PLEKHG4B: variants seen among roughly 807,000 people sequenced by gnomAD.
The protein encoded by PLEKHG4B is pleckstrin homology domain-containing family G member 4B.
Under a neutral mutation model 121.3 loss-of-function variants are expected in PLEKHG4B, and 111 were observed. The ratio of observed to expected loss-of-function variants is 0.92; its 90% confidence interval spans 0.78 to 1.07. The LOEUF (loss-of-function observed/expected upper bound fraction) is 1.07. Ranked by LOEUF, PLEKHG4B falls within the 50% of genes least tolerant of loss-of-function variation. The pLI is 0.00. For missense variants in PLEKHG4B, 1,831 were observed against 1,757.8 expected, an observed-to-expected ratio of 1.04 and a Z score of -0.74; for synonymous variants, 738 against 725.0, an observed-to-expected ratio of 1.02 and a Z score of -0.29.
rs144872136 is a variant in PLEKHG4B at position 155,700 on chromosome 5, C to T, written c.2208+257C>T. 2.8e-3 allele frequency among the ~76,000 whole-genome samples: 422 copies of T among 152,310 alleles called. 4 individuals carry two copies. The highest frequency in any genetic ancestry group is 9.5e-3 in the African/African-American group (396 of 41,568). ...ATATGCAACAGGTGTGAGCGGCAAC[C>T]GCTGCTCGGAACGAGCCATTCCAAC... On this transcript the variant is annotated intron_variant, in intron 9 of 19. Coordinates refer to ENST00000637938, the MANE Select transcript of PLEKHG4B (RefSeq NM_052909.5).
At chr5:151,408 TG>T (rs1243035812) in intron 6 of PLEKHG4B, 104 bp from the exon 7 acceptor site, 4 of 659,026 alleles carry the variant, frequency 6.1e-6, no homozygotes, top group Non-Finnish European at 1.0e-5. Context: ...GTAGGCACTC[TG>T]GGAAACTATG....
chr5:182,320 C>A lies in PLEKHG4B; in HGVS notation c.4881C>A (p.Ala1627=). Residue 1627 remains alanine (A), a synonymous_variant, in exon 20 of 20, where the codon GCC becomes GCA. Transcript: ENST00000637938. ...TGCTGCTGAGCCGCACACGCCAGGCCTGATGACTGTCAGGGTGGCAGTGCC... is the reference window on the plus strand; with the variant it reads ...TGCTGCTGAGCCGCACACGCCAGGCATGATGACTGTCAGGGTGGCAGTGCC... ...PAVLLSRTRQ[A] is the part of the protein sequence containing the mutation. 1 of 1,597,202 alleles carries A rather than the reference C, an allele frequency of 6.3e-7. No individual in the cohort carries two copies.
In PLEKHG4B at chr5:162,717, C is replaced by T. The variant is rs377460931; in HGVS notation, c.2650-5C>T. The T allele has an allele frequency of 4.7e-4, 674 of 1,447,734 alleles. 5 individuals carry two copies. The Admixed American group carries it at 7.8e-3, about 17-fold the overall frequency. The allele number at this position is 1,447,734 out of a possible 1,614,324, so 89.7% of individuals were successfully genotyped here. On this transcript the variant is annotated splice_region_variant and splice_polypyrimidine_tract_variant and intron_variant, in intron 12 of 19. Transcript: ENST00000637938. ...GCACTGAGCAGAGCCCTCCTTGTCC[C>T]ACAGGTGAGCAGCTGGATGGGGCCC...
chr5:162,928 C>G lies in PLEKHG4B; in HGVS notation c.2856C>G (p.Leu952=). The change falls in exon 13 of 20, where the codon CTC becomes CTG. Residue 952 remains leucine, a synonymous_variant. Transcript: ENST00000637938. ...GGCTGCAGTACCCCCAGACCCGGCT[C>G]CGTCTGGAAGAGGCCCTTTCTGAGG... ...DLWLQYPQTR[L]RLEEALSEAA... The G allele has an allele frequency of 6.5e-7, 1 of 1,546,944 alleles. No homozygotes were observed. The highest frequency in any genetic ancestry group is 1.2e-5 in the South Asian group (1 of 81,662).
intron 2 of PLEKHG4B, among the ~76,000 whole-genome samples, chr5:138,887 G>T (rs1270209831): frequency 1.3e-5 from 2 of 152,240 alleles, no homozygotes; most frequent in Admixed American, 1.3e-4. Flanking sequence ...AATCACATTG[G>T]GTGAAAATAG....
chr5:112,761 A>G (rs1734193289), intron 1 of PLEKHG4B, among the ~76,000 whole-genome samples: 2 of 152,248 alleles, frequency 1.3e-5, no homozygotes, highest in Admixed American at 1.3e-4. Context: ...TTCTGAGAAC[A>G]AAGTGGCGCG....
At position 113,017 on chromosome 5, in the gene PLEKHG4B, G is replaced by A. The variant is rs1379922647; in HGVS notation, c.46-234G>A. 2.6e-5 allele frequency among the ~76,000 whole-genome samples: 4 copies of A among 152,120 alleles called. No homozygotes were observed. Among genetic ancestry groups the A allele is most frequent in the Admixed American group, 2.6e-4 (4 of 15,266 alleles). ...GCCCCTGCCCCAGGACAGGGCCACG[G>A]GTCTGCCTAATGCACCTGCCCCTCT... is the stretch of plus-strand genomic sequence containing the variant. On this transcript the variant is annotated intron_variant, in intron 1 of 19. Transcript: ENST00000637938. This position sits in a 1 kb window ranked among gnomAD's most constrained non-coding sequence, Gnocchi z 5.2.
At chr5:138,547 T>G (rs1260597610) in intron 2 of PLEKHG4B, among the ~76,000 whole-genome samples, 3 of 152,220 alleles carry the variant, frequency 2.0e-5, no homozygotes, top group Non-Finnish European at 1.5e-5. Flanking sequence ...TTTAGCGCAT[T>G]TTTATTGCCA....
intron 1 of PLEKHG4B, among the ~76,000 whole-genome samples, chr5:98,719 C>T (rs1185865847): frequency 7.4e-5 from 11 of 148,244 alleles, no homozygotes; most frequent in South Asian, 4.3e-4. Flanking sequence ...ATGATCCACC[C>T]GCCTCAGCCT....
intron 2 of PLEKHG4B, among the ~76,000 whole-genome samples, chr5:117,654 A>T (rs937248207): frequency 6.6e-6 from 1 of 152,150 alleles, no homozygotes; most frequent in African/African-American, 2.4e-5. Context: ...GGAATTCGAG[A>T]CCAGCCTGGC....
At position 162,745 on chromosome 5, in the gene PLEKHG4B, G is replaced by C; in HGVS notation, c.2673G>C (p.Leu891=). The C allele has an allele frequency of 6.8e-7, 1 of 1,460,448 alleles. No homozygotes were observed. Among genetic ancestry groups the C allele is most frequent in the Non-Finnish European group, 9.0e-7 (1 of 1,105,188 alleles). The allele number at this position is 1,460,448 out of a possible 1,614,324, so 90.5% of individuals were successfully genotyped here. A position where few individuals can be genotyped will look rare whatever the true frequency, so the allele number is the denominator to read the frequency against. The part of the protein sequence containing the change: ...CETVSSWMGP[L]DPEACPSSPV... ...AGGTGAGCAGCTGGATGGGGCCCCT[G>C]GACCCGGAGGCTTGTCCCTCCTCAC... The change falls in exon 13 of 20, where the codon CTG becomes CTC. Residue 891 remains leucine, a synonymous_variant. Transcript: ENST00000637938.
At chr5:164,254 A>T (rs1736156769) in intron 13 of PLEKHG4B, among the ~76,000 whole-genome samples, 1 of 152,242 alleles carries the variant, frequency 6.6e-6, no homozygotes, top group Non-Finnish European at 1.5e-5. Context: ...TTTTGGGATG[A>T]AACTGCTCCA....
chr5:176,631 G>A (rs1196177154), intron 18 of PLEKHG4B, among the ~76,000 whole-genome samples: 2 of 152,174 alleles, frequency 1.3e-5, no homozygotes, highest in African/African-American at 4.8e-5. Context: ...GTGAGGAGGC[G>A]GAGGCTTGTT....
intron 13 of PLEKHG4B, among the ~76,000 whole-genome samples, chr5:164,226 G>A (rs1038681427): frequency 2.6e-5 from 4 of 152,228 alleles, no homozygotes; most frequent in East Asian, 3.8e-4. Context: ...TCCACAGACC[G>A]CAGGGGTTGG....
chr5:162,806 G>A lies in PLEKHG4B; in HGVS notation c.2734G>A (p.Ala912Thr), dbSNP rs947653854. 8 of 1,502,528 alleles carry A rather than the reference G, an allele frequency of 5.3e-6. No individual in the cohort carries two copies. The highest frequency in any genetic ancestry group is 2.4e-5 in the East Asian group (1 of 41,842). 93.1% of individuals were successfully genotyped at this position (1,502,528 alleles called of 1,614,324 possible). The change falls in exon 13 of 20, where the codon GCT becomes ACT. Residue 912 changes from alanine (A) to threonine (T), a missense_variant. Ala to Thr is a moderately conservative substitution (Grantham distance 58). Coordinates refer to ENST00000637938, the MANE Select transcript of PLEKHG4B (RefSeq NM_052909.5). Reference protein sequence around the residue: ...AECLRSCHQEATSVAAEAFPG... With the variant: ...AECLRSCHQETTSVAAEAFPG... ...GTGTTTGAGGAGCTGTCACCAGGAG[G>A]CTACCTCGGTGGCTGCAGAGGCCTT... is the stretch of plus-strand genomic sequence containing the variant.
rs1251935341 is a variant in PLEKHG4B, at chr5:135,677, AAAAAAATATATATATATATATATAT to A, written c.244-3804_244-3780del. 5.7e-4 allele frequency among the ~76,000 whole-genome samples: 41 copies of A among 72,536 alleles called. 3 individuals carry two copies. Among genetic ancestry groups the A allele is most frequent in the Non-Finnish European group, 1.0e-3 (39 of 38,310 alleles). 47.6% of individuals were successfully genotyped at this position (72,536 alleles called of 152,430 possible). ...CAAGACTCCATCTCAAAAAAAAAAA[AAAAAAATATATATATATATATATAT>A]ATATATATATATATATATATATATA... On this transcript the variant is annotated intron_variant, in intron 2 of 19. Coordinates refer to ENST00000637938, the MANE Select transcript of PLEKHG4B (RefSeq NM_052909.5).
Position 189,482 on chromosome 5 carries a change from T to A in PLEKHG4B, c.*7159T>A, listed in dbSNP as rs1341620703. 6.6e-6 allele frequency: 1 copy of A among 152,356 alleles called. No individual in the cohort carries two copies. Among genetic ancestry groups the A allele is most frequent in the Non-Finnish European group, 1.5e-5 (1 of 68,158 alleles). The allele number at this position is 152,356 out of a possible 1,614,324, so 9.4% of individuals were successfully genotyped here. A position where few individuals can be genotyped will look rare whatever the true frequency, so the allele number is the denominator to read the frequency against. ...AACTGGAATCTCGGTTCATTTCGGT[T>A]TCAGCAGGTCCCATGTAGTTAGCAG... On this transcript the variant is annotated 3_prime_UTR_variant, in exon 20 of 20. Transcript: ENST00000637938.
rs1733594465 is a variant in PLEKHG4B at position 185,358 on chromosome 5, C to CAGT, written c.*3036_*3038dup. On this transcript the variant is annotated 3_prime_UTR_variant, in exon 20 of 20. Coordinates refer to ENST00000637938, the MANE Select transcript of PLEKHG4B (RefSeq NM_052909.5). ...TCAAACTGCATGCTTTAAAGATGTG[C>CAGT]AGTGGATCGTATGTCGCTTAAATCC... 6.6e-6 allele frequency: 1 copy of CAGT among 152,236 alleles called. No individual in the cohort carries two copies. The highest frequency in any genetic ancestry group is 2.4e-5 in the African/African-American group (1 of 41,458). 9.4% of individuals were successfully genotyped at this position (152,236 alleles called of 1,614,324 possible).
chr5:162,666 G>A, intron 12 of PLEKHG4B, 56 bp from the exon 13 acceptor site: 3 of 1,250,874 alleles, frequency 2.4e-6, no homozygotes, highest in Non-Finnish European at 2.1e-6. Context: ...GGCCTGAGCT[G>A]GCTCCAGGGC....
Sources: allele counts gnomAD v4.1 joint callset (sites outside exome capture counted in the v4.1 genomes callset), GRCh38; gene constraint gnomAD v4.1.1; non-coding constraint Gnocchi (gnomAD v3.1); transcripts MANE v1.5; gene names NCBI Gene and HGNC (gene_info 2026-07-23, HGNC 2026-07-21).